The following KCNG2 variants were observed in gnomAD, a reference collection of about 807,000 sequenced individuals.
KCNG2 encodes the protein potassium voltage-gated channel modifier subfamily G member 2, also known as voltage-gated potassium channel regulatory subunit KCNG2.
KCNG2 carries 7 observed loss-of-function variants against 12.3 expected under a neutral mutation model. The ratio of observed to expected loss-of-function variants is 0.57; its 90% CI spans 0.32 to 1.07. The LOEUF (loss-of-function observed/expected upper bound fraction) is 1.07. KCNG2 is among the 50% of genes least tolerant of loss of function. The pLI, the probability that KCNG2 is intolerant of heterozygous loss-of-function variation, is 0.04. For synonymous variants in KCNG2, 414 were observed against 351.4 expected (o/e 1.18, Z -1.99); for missense variants, 703 against 726.0 (o/e 0.97, Z 0.36).
chr18:79,879,342 C>G (rs370853397), intron 3 of KCNG2, among the ~76,000 whole-genome samples: 36 of 152,300 alleles, frequency 2.4e-4, no homozygotes, highest in African/African-American at 8.7e-4. Flanking sequence ...TTAGCGCCCC[C>G]GTCTCGAGGA....
At chr18:79,836,291 G>T (rs181546225) in intron 1 of KCNG2, among the ~76,000 whole-genome samples, 1 of 152,174 alleles carries the variant, frequency 6.6e-6, no homozygotes, top group Non-Finnish European at 1.5e-5. Context: ...GAGGAGAAAC[G>T]TTATGTAAAA....
chr18:79,854,724 A>G (rs1029901289), intron 1 of KCNG2, among the ~76,000 whole-genome samples: 1 of 152,112 alleles, frequency 6.6e-6, no homozygotes, highest in Non-Finnish European at 1.5e-5. Flanking sequence ...ACGAGGTTTC[A>G]CCGTGGTCTT....
chr18:79,843,552 G>T (rs975231145), intron 1 of KCNG2, among the ~76,000 whole-genome samples: 3 of 152,112 alleles, frequency 2.0e-5, no homozygotes, highest in African/African-American at 7.2e-5. Flanking sequence ...TTTGTTAATG[G>T]ATACATAATA....
chr18:79,863,676 A>G lies in KCNG2; in HGVS notation c.9A>G (p.Pro3=), dbSNP rs1050672483. 8.3e-7 allele frequency: 1 copy of G among 1,205,374 alleles called. No individual in the cohort carries two copies. The highest frequency in any genetic ancestry group is 1.0e-6 in the Non-Finnish European group (1 of 971,184). 74.7% of individuals were successfully genotyped at this position (1,205,374 alleles called of 1,614,324 possible). Residue 3 remains proline, a synonymous_variant, in exon 3 of 4, where the codon CCA becomes CCG. Transcript: ENST00000316249. ME[P]WPCSPGGGGG... ...CCGGTCCGGCCCTGCGCATGGAGCC[A>G]TGGCCCTGCTCCCCGGGCGGCGGCG...
At chr18:79,838,431 T>C (rs888115524) in intron 1 of KCNG2, among the ~76,000 whole-genome samples, 4 of 151,204 alleles carry the variant, frequency 2.6e-5, no homozygotes, top group African/African-American at 9.8e-5. Context: ...TTTTTTTTCC[T>C]GAGACAATGT....
intron 1 of KCNG2, among the ~76,000 whole-genome samples, chr18:79,834,396 C>T (rs890776490): frequency 6.6e-6 from 1 of 152,190 alleles, no homozygotes; most frequent in African/African-American, 2.4e-5. Context: ...CTGACACACA[C>T]CCATCCATCA....
At chr18:79,874,152 A>G (rs1472908839) in intron 3 of KCNG2, among the ~76,000 whole-genome samples, 1 of 152,176 alleles carries the variant, frequency 6.6e-6, no homozygotes, top group African/African-American at 2.4e-5. Flanking sequence ...TCCCCATCAC[A>G]GGCTGAGGTA....
rs1979328263 is a variant in KCNG2, at chr18:79,863,839, G to A, written c.172G>A (p.Val58Met). The A allele has an allele frequency of 1.4e-6, 2 of 1,449,514 alleles. No homozygotes were observed. Among genetic ancestry groups the A allele is most frequent in the South Asian group, 1.3e-5 (1 of 77,210 alleles). 89.8% of individuals were successfully genotyped at this position (1,449,514 alleles called of 1,614,324 possible). ...CCGCGGCCACGACGACCTGCTGCGC[G>A]TGTGTGACGACTACGACGTGAGCCG... ...ACRGHDDLLR[V>M]CDDYDVSRDE... Residue 58 changes from valine (V) to methionine (M), a missense_variant, in exon 3 of 4, where the codon GTG becomes ATG. Physicochemically the swap from Val to Met is conservative, Grantham distance 21 (BLOSUM62 1). Transcript: ENST00000316249.
intron 1 of KCNG2, among the ~76,000 whole-genome samples, chr18:79,839,925 C>A (rs188504586): frequency 6.6e-6 from 1 of 152,248 alleles, no homozygotes; most frequent in Admixed American, 6.5e-5. Context: ...AATAACACCT[C>A]TTTTGATAAA....
intron 1 of KCNG2, among the ~76,000 whole-genome samples, chr18:79,802,784 G>A (rs187651768): frequency 6.1e-4 from 93 of 152,030 alleles, no homozygotes; most frequent in African/African-American, 2.2e-3. Context: ...AGATTAACAG[G>A]AAAAAATTCT....
intron 1 of KCNG2, among the ~76,000 whole-genome samples, chr18:79,834,278 G>C (rs111333746): frequency 6.6e-6 from 1 of 152,144 alleles, no homozygotes; most frequent in Non-Finnish European, 1.5e-5. Context: ...TGGCAAATGG[G>C]GGTTTTCTTT....
intron 1 of KCNG2, among the ~76,000 whole-genome samples, chr18:79,827,332 C>A (rs1385910366): frequency 3.3e-5 from 5 of 152,246 alleles, no homozygotes; most frequent in Admixed American, 3.3e-4. Context: ...CTTTCGTTTT[C>A]CCTGGCGGTG....
At chr18:79,896,674 C>T (rs1422687790) in intron 3 of KCNG2, among the ~76,000 whole-genome samples, 1 of 152,212 alleles carries the variant, frequency 6.6e-6, no homozygotes. Context: ...ATTACCTTTA[C>T]TAACACTTTT....
chr18:79,823,693 T>C, intron 1 of KCNG2, among the ~76,000 whole-genome samples: 1 of 152,224 alleles, frequency 6.6e-6, no homozygotes, highest in East Asian at 1.9e-4. Context: ...ATATGAGTTT[T>C]TCCCCTTGTT....
In KCNG2 at chr18:79,899,664, G is replaced by GAGC; in HGVS notation, c.1259_1261dup (p.Gln420dup). ...TTCGCGCTCCTACTCCGAGCTCAAG[G>GAGC]AGCAGCAGCAGCGCGCGGCCAGCCC... On this transcript the variant is annotated inframe_insertion, in exon 4 of 4. Coordinates refer to ENST00000316249, the MANE Select transcript of KCNG2 (RefSeq NM_012283.2). 6.2e-7 allele frequency: 1 copy of GAGC among 1,607,656 alleles called. No homozygotes were observed. Among genetic ancestry groups the GAGC allele is most frequent in the Non-Finnish European group, 8.5e-7 (1 of 1,177,778 alleles).
chr18:79,887,078 G>A (rs72982216), intron 3 of KCNG2, among the ~76,000 whole-genome samples: 7,668 of 143,016 alleles, frequency 0.054, 594 homozygotes, highest in East Asian at 0.12. Flanking sequence ...ATGGGGACAC[G>A]GGACAGGGAC....
At chr18:79,896,479 A>G (rs1980980084) in intron 3 of KCNG2, among the ~76,000 whole-genome samples, 1 of 152,082 alleles carries the variant, frequency 6.6e-6, no homozygotes, top group Non-Finnish European at 1.5e-5. Flanking sequence ...CTTCACTGTC[A>G]TTTCCTTAGA....
chr18:79,872,280 G>GTTTTTTTTTTTTTTTTTT lies in KCNG2; in HGVS notation c.624+7995_624+8012dup, dbSNP rs1162742507. ...CTGATATAAAAGCTTCAAAGCTTCAGTTTTTTTTTTTTTTTTTTTTTTTGA... is the reference window on the plus strand; with the variant it reads ...CTGATATAAAAGCTTCAAAGCTTCAGTTTTTTTTTTTTTTTTTTTTTTTTTTTTTTTTTTTTTTTTTGA... On this transcript the variant is annotated intron_variant, in intron 3 of 3. Coordinates refer to ENST00000316249, the MANE Select transcript of KCNG2 (RefSeq NM_012283.2). Among the ~76,000 whole-genome samples the GTTTTTTTTTTTTTTTTTT allele has an allele frequency of 7.4e-4, 54 of 73,416 alleles. 10 individuals are homozygous for GTTTTTTTTTTTTTTTTTT. Among genetic ancestry groups the GTTTTTTTTTTTTTTTTTT allele is most frequent in the African/African-American group, 2.5e-3 (47 of 19,072 alleles). The allele number at this position is 73,416 out of a possible 152,430, so 48.2% of individuals were successfully genotyped here.
intron 1 of KCNG2, among the ~76,000 whole-genome samples, chr18:79,814,516 G>C (rs1416793286): frequency 6.6e-6 from 1 of 152,162 alleles, no homozygotes; most frequent in East Asian, 1.9e-4. Context: ...CATTCCATTT[G>C]CACGGCATTC....
Sources: allele counts gnomAD v4.1 joint callset (sites outside exome capture counted in the v4.1 genomes callset), GRCh38; gene constraint gnomAD v4.1.1; transcripts MANE v1.5; gene names NCBI Gene and HGNC (gene_info 2026-07-23, HGNC 2026-07-21).